The following TSC2 variants were observed in gnomAD, a reference collection of about 807,000 sequenced individuals.
TSC2 encodes tuberin.
Under a neutral mutation model 202.2 loss-of-function variants are expected in TSC2, and 29 were observed. The ratio of observed to expected loss-of-function variants is 0.14; its 90% CI spans 0.11 to 0.20. The LOEUF (loss-of-function observed/expected upper bound fraction) is 0.20, where lower values mean the gene tolerates loss of function less well. Among genes scored for constraint, TSC2 ranks in the 10% least tolerant of loss-of-function variants. The pLI is 1.00. For synonymous variants in TSC2, 1,349 were observed against 1,044.0 expected, an observed-to-expected ratio of 1.29 and a Z score of -5.63; for missense variants, 2,429 against 2,420.0, an observed-to-expected ratio of 1.00 and a Z score of -0.08.
chr16:2,081,190 T>C, intron 30 of TSC2: 1 of 341,064 alleles, frequency 2.9e-6, no homozygotes, highest in Non-Finnish European at 5.7e-6. Context: ...CAGCTCAGCC[T>C]GTTCCCAGGG....
intron 3 of TSC2, among the ~76,000 whole-genome samples, chr16:2,050,838 C>T (rs1431871630): frequency 6.6e-6 from 1 of 151,848 alleles, no homozygotes; most frequent in Admixed American, 6.6e-5. Context: ...CCATATGCCT[C>T]AGCCTCCCAA....
rs144126969 is a variant in TSC2 at position 2,080,234 on chromosome 16, C to G, written c.3467C>G (p.Pro1156Arg). 1 of 1,613,002 alleles carries G rather than the reference C, an allele frequency of 6.2e-7. No individual in the cohort carries two copies. The highest frequency in any genetic ancestry group is 8.5e-7 in the Non-Finnish European group (1 of 1,180,028). The part of the protein sequence containing the change: ...ASQFLGSATS[P>R]GPRTAPAAKP... ...CAGTTCCTGGGCAGTGCCACTTCTC[C>G]AGGACCACGGACTGCACCAGCCGCG... The change falls in exon 30 of 42, where the codon CCA becomes CGA. Residue 1156 changes from proline (P) to arginine (R), a missense_variant. Coordinates refer to ENST00000219476, the MANE Select transcript of TSC2 (RefSeq NM_000548.5).
intron 8 of TSC2, 167 bp from the exon 9 acceptor site, chr16:2,056,938 G>A: frequency 1.4e-6 from 2 of 1,394,082 alleles, no homozygotes; most frequent in South Asian, 1.2e-5. Flanking sequence ...TCAGGGTTTT[G>A]GTGGCATTTT....
Position 2,070,567 on chromosome 16 carries a change from A to G in TSC2, c.1828A>G (p.Ile610Val), listed in dbSNP as rs1285778253. The change falls in exon 17 of 42, where the codon ATC (isoleucine) becomes GTC (valine). Residue 610 changes from isoleucine (I) to valine (V), a missense_variant. Physicochemically the swap from Ile to Val is conservative, Grantham distance 29. Transcript: ENST00000219476. The part of the protein sequence containing the change: ...HSYTLPIASS[I>V]RLQAFDFLLL... Reference sequence around the variant, plus strand: ...CTACACCCTGCCAATCGCGAGCAGCATCCGGCTGCAGGTATGGTGGCTGGG... The same window carrying G: ...CTACACCCTGCCAATCGCGAGCAGCGTCCGGCTGCAGGTATGGTGGCTGGG... 2 of 1,613,128 alleles carry G rather than the reference A, an allele frequency of 1.2e-6. No homozygotes were observed. Among genetic ancestry groups the G allele is most frequent in the Non-Finnish European group, 1.7e-6 (2 of 1,180,026 alleles).
chr16:2,083,944 C>T, intron 33 of TSC2, 128 bp downstream of exon 33: 1 of 1,433,038 alleles, frequency 7.0e-7, no homozygotes, highest in Non-Finnish European at 9.2e-7. Context: ...CTTCCACATC[C>T]CTCGTGCACA....
chr16:2,060,174 C>T (rs192958340), intron 10 of TSC2, among the ~76,000 whole-genome samples: 9 of 152,280 alleles, frequency 5.9e-5, no homozygotes, highest in African/African-American at 1.9e-4. Context: ...GTGATGACAG[C>T]GCTTTTTGTG....
In TSC2 at chr16:2,061,948, G is replaced by A. The variant is rs2151155822; in HGVS notation, c.1197G>A (p.Glu399=). 6.2e-7 allele frequency: 1 copy of A among 1,614,210 alleles called. No homozygotes were observed. The highest frequency in any genetic ancestry group is 1.6e-4 in the Middle Eastern group (1 of 6,062). ...TTVEELCDQN[E]FHGSQERYFE... is the part of the protein sequence containing the mutation. ...TGGAGGAGCTGTGTGACCAGAACGA[G>A]TTCCACGGGTCTCAGGAGAGATACT... The change falls in exon 12 of 42, where the codon GAG becomes GAA. Residue 399 remains glutamate, a synonymous_variant. Coordinates refer to ENST00000219476, the MANE Select transcript of TSC2 (RefSeq NM_000548.5).
chr16:2,074,126 C>G (rs2088897057), intron 21 of TSC2, 74 bp from the exon 22 acceptor site: 1 of 1,586,900 alleles, frequency 6.3e-7, no homozygotes, highest in East Asian at 2.2e-5. Flanking sequence ...GTGGAGCACT[C>G]GAGGTTGGCG....
At chr16:2,084,078 C>A in intron 33 of TSC2, 150 bp from the exon 34 acceptor site, 3 of 1,421,884 alleles carry the variant, frequency 2.1e-6, no homozygotes, top group Non-Finnish European at 2.9e-6. Flanking sequence ...AGTGCTGCTG[C>A]GTCAACGGGC....
intron 8 of TSC2, 129 bp downstream of exon 8, chr16:2,056,898 G>C: frequency 1.3e-6 from 2 of 1,501,790 alleles, no homozygotes; most frequent in Non-Finnish European, 1.8e-6. Flanking sequence ...GGGACGGCCA[G>C]TGTCATTTTC....
chr16:2,055,143 A>G (rs945434105), intron 5 of TSC2: 19 of 562,722 alleles, frequency 3.4e-5, no homozygotes, highest in Admixed American at 8.3e-5. Flanking sequence ...CGGCATACAC[A>G]CTTCTGCTGC....
At chr16:2,062,840 G>T in intron 13 of TSC2, 132 bp from the exon 14 acceptor site, 1 of 1,075,654 alleles carries the variant, frequency 9.3e-7, no homozygotes, top group South Asian at 1.4e-5. Flanking sequence ...TCCCTGGGAA[G>T]CAGAGCTCTG....
At position 2,079,554 on chromosome 16, in the gene TSC2, C is replaced by A. The variant is rs781023043; in HGVS notation, c.3285-3C>A. On this transcript the variant is annotated splice_region_variant and splice_polypyrimidine_tract_variant and intron_variant, in intron 28 of 41. Coordinates refer to ENST00000219476, the MANE Select transcript of TSC2 (RefSeq NM_000548.5). The surrounding 1 kb of genome is among the most constrained non-coding windows in gnomAD (Gnocchi z 4.6). ...CACCCTGTGCGTGGGATTCTCTTCT[C>A]AGCTCCAGCCCCGGGGTGCATGTGA... 6 of 1,609,212 alleles carry A rather than the reference C, an allele frequency of 3.7e-6. No individual in the cohort carries two copies. In the South Asian group the frequency reaches 6.6e-5, roughly 18 times the overall value.
intron 30 of TSC2, 179 bp from the exon 31 acceptor site, chr16:2,081,416 G>A (rs2090128320): frequency 6.3e-6 from 5 of 789,050 alleles, no homozygotes; most frequent in Non-Finnish European, 1.1e-5. Context: ...GGCAGGGGCT[G>A]AGCGGGGCAG....
intron 21 of TSC2, 37 bp from the exon 22 acceptor site, chr16:2,074,163 C>T (rs1596355789): frequency 6.2e-7 from 1 of 1,608,962 alleles, no homozygotes; most frequent in Non-Finnish European, 8.5e-7. Context: ...GCCTCTGCTG[C>T]AAGCGGGTGG....
chr16:2,088,193 T>G, intron 40 of TSC2, 34 bp from the exon 41 acceptor site: 1 of 1,612,846 alleles, frequency 6.2e-7, no homozygotes, highest in Non-Finnish European at 8.5e-7. Context: ...AGGTGCCACC[T>G]GATAGTGAGC....
In TSC2 at chr16:2,065,547, C is replaced by G. The variant is rs45517188; in HGVS notation, c.1628C>G (p.Pro543Arg). ...KVMARSLSPP[P>R]ELEERDVAAY... ...ATGGCCCGCTCCCTCTCCCCACCCC[C>G]GGAGCTGGAAGAAAGGGATGTGGCC... The change falls in exon 16 of 42, where the codon CCG (proline) becomes CGG (arginine). Residue 543 changes from proline (P) to arginine (R), a missense_variant. By Grantham distance (103) the Pro-to-Arg change is moderately radical (BLOSUM62 -2). Transcript: ENST00000219476. The G allele has an allele frequency of 6.2e-7, 1 of 1,613,786 alleles. No individual in the cohort carries two copies. The highest frequency in any genetic ancestry group is 8.5e-7 in the Non-Finnish European group (1 of 1,179,988).
rs45517279 is a variant in TSC2, at chr16:2,079,102, G to A, written c.3037G>A (p.Asp1013Asn). Residue 1013 changes from aspartate (D) to asparagine (N), a missense_variant, in exon 27 of 42, where the codon GAT (aspartate) becomes AAT (asparagine). Physicochemically the swap from Asp to Asn is conservative, Grantham distance 23. Transcript: ENST00000219476. This position sits in a 1 kb window ranked among gnomAD's most constrained non-coding sequence, Gnocchi z 4.6. ...TGAGAACTCCGTGGCCCAGGCTGACGATAGCCTGAAAAACCTCCACCTGGA... is the reference window on the plus strand; with the variant it reads ...TGAGAACTCCGTGGCCCAGGCTGACAATAGCCTGAAAAACCTCCACCTGGA... Reference protein sequence around the residue: ...ADENSVAQADDSLKNLHLELT... With the variant: ...ADENSVAQADNSLKNLHLELT... 7 of 1,612,986 alleles carry A rather than the reference G, an allele frequency of 4.3e-6. No homozygotes were observed. The highest frequency in any genetic ancestry group is 5.9e-6 in the Non-Finnish European group (7 of 1,180,012).
chr16:2,048,067 TAAGTGGCGGTCCCCACGGGGC>T lies in TSC2; in HGVS notation c.-30+25_-30+45del, dbSNP rs565651015. 2,101 of 1,426,560 alleles carry T rather than the reference TAAGTGGCGGTCCCCACGGGGC, an allele frequency of 1.5e-3. 22 individuals carry two copies. In the African/African-American group the frequency reaches 0.018, roughly 12 times the overall value. 88.4% of individuals were successfully genotyped at this position (1,426,560 alleles called of 1,614,324 possible). ...CGGAGCGCGGTGGCGCGGCGCGGGG[TAAGTGGCGGTCCCCACGGGGC>T]AAGTGGCGGTCCCCACGGGGCAGCG... On this transcript the variant is annotated splice_donor_5th_base_variant and intron_variant, in intron 1 of 41. Transcript: ENST00000219476.
Sources: allele counts gnomAD v4.1 joint callset (sites outside exome capture counted in the v4.1 genomes callset), GRCh38; gene constraint gnomAD v4.1.1; non-coding constraint Gnocchi (gnomAD v3.1); transcripts MANE v1.5; gene names NCBI Gene and HGNC (gene_info 2026-07-23, HGNC 2026-07-21).